Variants in GALK2 observed in about 807,000 individuals in gnomAD.
GALK2 encodes galactokinase 2, also known as N-acetylgalactosamine kinase.
A neutral mutation model predicts 52.4 loss-of-function variants in GALK2; 36 were observed. The ratio of observed to expected loss-of-function variants is 0.69; its 90% CI spans 0.53 to 0.91. The LOEUF (loss-of-function observed/expected upper bound fraction) is 0.91. GALK2 is among the 40% of genes least tolerant of loss of function. The pLI is 0.00. For synonymous variants in GALK2, 176 were observed against 199.1 expected (o/e 0.88, Z 0.98); for missense variants, 579 against 559.1 (o/e 1.04, Z -0.36).
chr15:49,230,526 A>G (rs1387858841), intron 3 of GALK2, among the ~76,000 whole-genome samples: 2 of 152,084 alleles, frequency 1.3e-5, no homozygotes, highest in African/African-American at 4.8e-5. Flanking sequence ...TATTCTAACT[A>G]TGATTGTCAA....
chr15:49,172,793 G>C (rs1185393462), intron 1 of GALK2, among the ~76,000 whole-genome samples: 1 of 152,102 alleles, frequency 6.6e-6, no homozygotes, highest in African/African-American at 2.4e-5. Context: ...GAATTTCACT[G>C]TTCTGGCTTT....
intron 5 of GALK2, among the ~76,000 whole-genome samples, chr15:49,271,782 A>C (rs1048562212): frequency 6.6e-6 from 1 of 152,224 alleles, no homozygotes; most frequent in Admixed American, 6.5e-5. Flanking sequence ...TTAGCCCTAT[A>C]TTGAGATCAC....
intron 3 of GALK2, 23 bp from the exon 4 acceptor site, chr15:49,235,828 A>G: frequency 6.5e-7 from 1 of 1,529,852 alleles, no homozygotes; most frequent in South Asian, 1.1e-5. Context: ...ATTTTAAATT[A>G]ATGGTGTCTT....
chr15:49,319,320 C>A (rs1361071445), intron 8 of GALK2, among the ~76,000 whole-genome samples: 1 of 152,076 alleles, frequency 6.6e-6, no homozygotes, highest in African/African-American at 2.4e-5. Context: ...GGTCTGTCTT[C>A]ATTTGGGATG....
At chr15:49,215,354 ATAACTCT>A (rs2089286767) in intron 2 of GALK2, among the ~76,000 whole-genome samples, 1 of 152,200 alleles carries the variant, frequency 6.6e-6, no homozygotes, top group Non-Finnish European at 1.5e-5. Context: ...TTTAAAGCCA[ATAACTCT>A]TAGATTTGCC....
chr15:49,221,041 C>T (rs1430425919), intron 3 of GALK2, among the ~76,000 whole-genome samples: 1 of 152,166 alleles, frequency 6.6e-6, no homozygotes, highest in African/African-American at 2.4e-5. Context: ...GTTGTCTCCC[C>T]ACTCTGTTGA....
chr15:49,170,124 C>T (rs908511383), upstream of GALK2: 14 of 1,305,254 alleles, frequency 1.1e-5, no homozygotes, highest in Non-Finnish European at 1.4e-5. Flanking sequence ...TGGAGGGAAC[C>T]CTGGCTGAGT....
upstream of GALK2, among the ~76,000 whole-genome samples, chr15:49,166,983 A>G (rs146928928): frequency 2.0e-5 from 3 of 152,350 alleles, no homozygotes; most frequent in African/African-American, 7.2e-5. Flanking sequence ...AGAACATGGA[A>G]AACTTCCTGA....
At chr15:49,164,776 G>A (rs1183473929) in intron 1 of GALK2, among the ~76,000 whole-genome samples, 25 of 24,172 alleles carry the variant, frequency 1.0e-3, no homozygotes, top group East Asian at 5.4e-3. Context: ...GCAAAACTCC[G>A]TCTCAAAAAA....
At chr15:49,320,085 T>A (rs1458918347) in intron 9 of GALK2, among the ~76,000 whole-genome samples, 1 of 152,172 alleles carries the variant, frequency 6.6e-6, no homozygotes, top group African/African-American at 2.4e-5. Context: ...TTTGGATGAT[T>A]AGGCCTTTCA....
chr15:49,266,223 G>T (rs979150785), intron 5 of GALK2, among the ~76,000 whole-genome samples: 1 of 152,020 alleles, frequency 6.6e-6, no homozygotes, highest in Admixed American at 6.6e-5. Flanking sequence ...TGGAGGGCAA[G>T]CTCCAATGTA....
chr15:49,295,322 T>TCC (rs1025102481), intron 8 of GALK2, among the ~76,000 whole-genome samples: 11 of 145,716 alleles, frequency 7.5e-5, no homozygotes, highest in Admixed American at 4.0e-4. Context: ...TCTCTCTCTC[T>TCC]CTCTCTCTAT....
intron 6 of GALK2, 46 bp downstream of exon 6, chr15:49,282,131 A>G: frequency 7.1e-7 from 1 of 1,417,608 alleles, no homozygotes; most frequent in African/African-American, 1.4e-5. Flanking sequence ...TCCTAGTGGG[A>G]AAATTTACAT....
At chr15:49,290,392 C>G (rs8040116) in intron 7 of GALK2, among the ~76,000 whole-genome samples, 24,452 of 152,196 alleles carry the variant, frequency 0.16, 3,094 homozygotes, top group African/African-American at 0.35. Flanking sequence ...TGAGGGCTCA[C>G]TGGACAACTG....
rs150198200 is a variant in GALK2, at chr15:49,273,455, G to A, written c.505-8532G>A. On this transcript the variant is annotated intron_variant, in intron 5 of 9. Coordinates refer to ENST00000560031, the MANE Select transcript of GALK2 (RefSeq NM_002044.4). ...TTGTCCTCAGGCAACTTTTCTTGAA[G>A]TAAAAAATGCGAAAGTTGCTAATTC... Among the ~76,000 whole-genome samples, 1,034 of 151,992 alleles carry A rather than the reference G, an allele frequency of 6.8e-3. 6 individuals are homozygous for A. The highest frequency in any genetic ancestry group is 0.012 in the Non-Finnish European group (828 of 67,986).
chr15:49,255,154 TCAAATTTCC>T (rs2091763051), intron 5 of GALK2, among the ~76,000 whole-genome samples: 1 of 143,488 alleles, frequency 7.0e-6, no homozygotes, highest in African/African-American at 2.5e-5. Context: ...CAGTTCATAT[TCAAATTTCC>T]CAATTGTCTC....
intron 1 of GALK2, among the ~76,000 whole-genome samples, chr15:49,197,069 G>T (rs1045451748): frequency 2.6e-5 from 4 of 152,198 alleles, no homozygotes; most frequent in African/African-American, 9.6e-5. Context: ...ACTTTAGCCT[G>T]GGCAACAGAG....
chr15:49,273,292 T>A (rs2141701906), intron 5 of GALK2, among the ~76,000 whole-genome samples: 1 of 152,160 alleles, frequency 6.6e-6, no homozygotes, highest in Non-Finnish European at 1.5e-5. Flanking sequence ...TCCTCACTGT[T>A]GTTGTTTTTT....
At chr15:49,168,545 C>A (rs1027646335), upstream of GALK2, among the ~76,000 whole-genome samples, 1 of 151,988 alleles carries the variant, frequency 6.6e-6, no homozygotes, top group Non-Finnish European at 1.5e-5. Flanking sequence ...ATGGTGAAAC[C>A]CCGTCTTTAC....
Sources: gnomAD v4.1 joint callset for allele counts (sites outside exome capture counted in the v4.1 genomes callset) on GRCh38, gnomAD v4.1.1 for gene constraint, MANE v1.5 for transcripts, NCBI Gene and HGNC (gene_info 2026-07-23, HGNC 2026-07-21) for gene names.